The following SORD variants were observed in gnomAD, a reference collection of about 807,000 sequenced individuals.
SORD encodes the protein (R,R)-butanediol dehydrogenase.
Under a neutral mutation model 35.6 loss-of-function variants are expected in SORD, and 18 were observed. The observed-to-expected ratio is 0.51, with a 90% CI of 0.35 to 0.75. The LOEUF (loss-of-function observed/expected upper bound fraction) is 0.75, where lower values mean the gene tolerates loss of function less well. Ranked by LOEUF, SORD falls within the 30% of genes least tolerant of loss-of-function variation. The pLI is 0.01. For missense variants in SORD, 250 were observed against 390.2 expected, an observed-to-expected ratio of 0.64 and a Z score of 3.03; for synonymous variants, 106 against 152.9, an observed-to-expected ratio of 0.69 and a Z score of 2.26.
rs1319919865 is a variant in SORD, at chr15:45,073,482, G to C, written c.1026G>C (p.Leu342Phe). The change falls in exon 9 of 9, where the codon TTG becomes TTC. Residue 342 changes from leucine to phenylalanine, a missense_variant. Leu to Phe is a conservative substitution (Grantham distance 22). Coordinates refer to ENST00000267814, the MANE Select transcript of SORD (RefSeq NM_003104.6). ...CCTTTGAAACATTTAAAAAGGGATT[G>C]GGGTTGAAAATCATGCTCAAGTGTG... ...LEAFETFKKG[L>F]GLKIMLKCDP... 3.9e-6 allele frequency: 6 copies of C among 1,556,834 alleles called. 1 individual carries two copies. The highest frequency in any genetic ancestry group is 3.1e-5 in the African/African-American group (2 of 63,702).
chr15:45,028,650 A>G (rs530588572), intron 1 of SORD, among the ~76,000 whole-genome samples: 5 of 152,290 alleles, frequency 3.3e-5, no homozygotes, highest in Admixed American at 2.0e-4. Flanking sequence ...TATAAAGGGC[A>G]GAAAAATTAA....
Position 45,073,349 on chromosome 15 carries a change from T to TC in SORD, c.909-15dup. The TC allele has an allele frequency of 3.2e-6, 4 of 1,265,990 alleles. No homozygotes were observed. Among genetic ancestry groups the TC allele is most frequent in the Non-Finnish European group, 4.3e-6 (4 of 929,082 alleles). 78.4% of individuals were successfully genotyped at this position (1,265,990 alleles called of 1,614,324 possible). ...TCCTCTTGAAGGTTGAATATAATGCTCGTGCTCTTTTACAGGTGGCCAGTG... is the reference window on the plus strand; with the variant it reads ...TCCTCTTGAAGGTTGAATATAATGCTCCGTGCTCTTTTACAGGTGGCCAGTG... On this transcript the variant is annotated splice_polypyrimidine_tract_variant and intron_variant, in intron 8 of 8. Transcript: ENST00000267814.
At chr15:45,059,379 A>G (rs1250530798) in intron 3 of SORD, among the ~76,000 whole-genome samples, 1 of 152,040 alleles carries the variant, frequency 6.6e-6, no homozygotes, top group Non-Finnish European at 1.5e-5. Context: ...AAAAAACCCC[A>G]AAAAACCAGC....
chr15:45,063,279 T>G (rs1893351829), intron 4 of SORD, among the ~76,000 whole-genome samples: 3 of 152,254 alleles, frequency 2.0e-5, no homozygotes, highest in African/African-American at 7.2e-5. Flanking sequence ...ATTTTCCTGC[T>G]TCTCCTTGGC....
intron 1 of SORD, among the ~76,000 whole-genome samples, chr15:45,031,552 T>A (rs186515406): frequency 3.6e-4 from 55 of 152,370 alleles, no homozygotes; most frequent in African/African-American, 1.3e-3. Flanking sequence ...TTCTTTGCTG[T>A]TTTTATACCC....
intron 3 of SORD, among the ~76,000 whole-genome samples, chr15:45,048,513 A>G (rs1026947040): frequency 6.6e-6 from 1 of 152,142 alleles, no homozygotes; most frequent in Non-Finnish European, 1.5e-5. Context: ...GTTTGAGACT[A>G]GCCTGGGGAT....
chr15:45,069,807 G>C (rs1455900540), intron 7 of SORD: 1 of 152,148 alleles, frequency 6.6e-6, no homozygotes, highest in Non-Finnish European at 1.5e-5. Context: ...AGTCATGAAG[G>C]TGAGGTGATT....
chr15:45,069,766 G>T lies in SORD; in HGVS notation c.786+714G>T, dbSNP rs1893479359. The T allele has an allele frequency of 2.6e-5, 4 of 152,304 alleles. No individual in the cohort carries two copies. The South Asian group carries it at 8.3e-4, about 32-fold the overall frequency. 9.4% of individuals were successfully genotyped at this position (152,304 alleles called of 1,614,324 possible). ...TTATTGAGGAAAACTGCAGTCTTTA[G>T]TCACTTATATAAAATAACAGTCATT... On this transcript the variant is annotated intron_variant, in intron 7 of 8. Transcript: ENST00000267814.
In SORD at chr15:45,065,296, G is replaced by A. The variant is rs1212939183; in HGVS notation, c.451G>A (p.Glu151Lys). ...YKLPDNVTFE[E>K]GALIEPLSVG... The stretch of plus-strand genomic sequence containing the variant: ...GCTTCCTGACAATGTCACCTTTGAG[G>A]AAGGCGCCCTGATCGAGCCACTTTC... The change falls in exon 5 of 9, where the codon GAA (glutamate) becomes AAA (lysine). Residue 151 changes from glutamate to lysine, a missense_variant. Glu to Lys is a moderately conservative substitution (Grantham distance 56, BLOSUM62 1). Around this residue, in one of 8 missense-constraint regions of SORD, gnomAD observed 126 missense variants for 148.7 expected, o/e 0.85. Transcript: ENST00000267814. 6.2e-7 allele frequency: 1 copy of A among 1,614,002 alleles called. No homozygotes were observed. Among genetic ancestry groups the A allele is most frequent in the Admixed American group, 1.7e-5 (1 of 60,000 alleles).
intron 3 of SORD, among the ~76,000 whole-genome samples, chr15:45,046,389 C>T (rs567670463): frequency 1.1e-3 from 164 of 152,234 alleles, no homozygotes; most frequent in Middle Eastern, 3.4e-3. Context: ...ATTACAGGCA[C>T]GCACCACCAC....
chr15:45,062,623 C>T (rs982557876), intron 4 of SORD, among the ~76,000 whole-genome samples: 1 of 150,102 alleles, frequency 6.7e-6, no homozygotes. Context: ...TAAGTCAACA[C>T]CTGAACCTGC....
At chr15:45,048,468 G>C (rs1893078471) in intron 3 of SORD, among the ~76,000 whole-genome samples, 1 of 152,166 alleles carries the variant, frequency 6.6e-6, no homozygotes, top group Non-Finnish European at 1.5e-5. Context: ...CAGCACTTTG[G>C]GAGGCCAAGG....
At chr15:45,054,400 G>C (rs1369813900) in intron 3 of SORD, among the ~76,000 whole-genome samples, 1 of 152,172 alleles carries the variant, frequency 6.6e-6, no homozygotes, top group Non-Finnish European at 1.5e-5. Context: ...GGCCAGTGAT[G>C]ATGAGCATCT....
intron 7 of SORD, among the ~76,000 whole-genome samples, chr15:45,069,512 T>C (rs1422824800): frequency 6.6e-6 from 1 of 152,146 alleles, no homozygotes; most frequent in Non-Finnish European, 1.5e-5. Context: ...TTCTTATCTC[T>C]AGTGCGGAGA....
chr15:45,056,307 T>C (rs1464728367), intron 3 of SORD, among the ~76,000 whole-genome samples: 2 of 151,944 alleles, frequency 1.3e-5, no homozygotes, highest in African/African-American at 4.8e-5. Flanking sequence ...GGATACAAAA[T>C]CAATGTACAA....
intron 3 of SORD, among the ~76,000 whole-genome samples, chr15:45,048,163 G>A (rs1375683862): frequency 2.0e-5 from 3 of 152,092 alleles, no homozygotes; most frequent in South Asian, 4.2e-4. Flanking sequence ...CAACAGAAAA[G>A]TGCTACTGTC....
chr15:45,025,762 A>G (rs1358815860), intron 1 of SORD, among the ~76,000 whole-genome samples: 9 of 152,068 alleles, frequency 5.9e-5, no homozygotes, highest in Admixed American at 1.3e-4. Flanking sequence ...TTGCTCCTCT[A>G]CTGAGCAGTA....
intron 1 of SORD, among the ~76,000 whole-genome samples, chr15:45,038,071 T>C (rs942022656): frequency 6.6e-6 from 1 of 152,092 alleles, no homozygotes; most frequent in Non-Finnish European, 1.5e-5. Flanking sequence ...TTGGTGACAA[T>C]CAGCTATCTT....
At chr15:45,025,673 C>CT in intron 1 of SORD, among the ~76,000 whole-genome samples, 1 of 151,348 alleles carries the variant, frequency 6.6e-6, no homozygotes, top group East Asian at 1.9e-4. Flanking sequence ...CACAAGGTGC[C>CT]TTTGAGAAAT....
Sources: gnomAD v4.1 joint callset for allele counts (sites outside exome capture counted in the v4.1 genomes callset) on GRCh38, gnomAD v4.1.1 for gene constraint, gnomAD v4.1.1 regional missense constraint, MANE v1.5 for transcripts, NCBI Gene and HGNC (gene_info 2026-07-23, HGNC 2026-07-21) for gene names.